Variants in DAPK2 observed in about 807,000 individuals in gnomAD.
The protein encoded by DAPK2 is death associated protein kinase 2.
A neutral mutation model predicts 44.1 loss-of-function variants in DAPK2; 35 were observed. The ratio of observed to expected loss-of-function variants is 0.79; its 90% confidence interval spans 0.61 to 1.05. DAPK2 has a LOEUF of 1.05. DAPK2 is among the 50% of genes least tolerant of loss of function. The pLI, the probability that DAPK2 is intolerant of heterozygous loss-of-function variation, is 0.00. For missense variants in DAPK2, 453 were observed against 483.2 expected, an observed-to-expected ratio of 0.94 and a Z score of 0.59; for synonymous variants, 174 against 182.6, an observed-to-expected ratio of 0.95 and a Z score of 0.38.
chr15:64,010,950 C>T (rs1282391284), intron 1 of DAPK2, among the ~76,000 whole-genome samples: 1 of 152,168 alleles, frequency 6.6e-6, no homozygotes, highest in African/African-American at 2.4e-5. Flanking sequence ...GCACCAGCAA[C>T]CCCATGTGGA....
chr15:63,944,959 G>C (rs2077410898), intron 3 of DAPK2, among the ~76,000 whole-genome samples: 2 of 152,118 alleles, frequency 1.3e-5, no homozygotes. Flanking sequence ...CTCTGGCTTG[G>C]AATGCCTGTC....
At chr15:63,960,273 C>T (rs905739087) in intron 3 of DAPK2, among the ~76,000 whole-genome samples, 6 of 152,194 alleles carry the variant, frequency 3.9e-5, no homozygotes, top group African/African-American at 9.6e-5. Context: ...AGCAGTCTAT[C>T]AATTTTGTTG....
rs372005682 is a variant in DAPK2, at chr15:63,944,329, GC to G, written c.454-4969del. The stretch of plus-strand genomic sequence containing the variant: ...CTGCCCTGATTGGGAGTAAACAGAG[GC>G]CATGGCTCCCTGCTATCCAGCCATG... On this transcript the variant is annotated intron_variant, in intron 3 of 10. Transcript: ENST00000261891. Among the ~76,000 whole-genome samples the G allele has an allele frequency of 9.3e-4, 141 of 152,214 alleles. 2 individuals carry two copies. The Middle Eastern group carries it at 0.01, about 11-fold the overall frequency.
intron 8 of DAPK2, chr15:63,918,266 T>G (rs971187851): frequency 7.2e-5 from 11 of 152,474 alleles, no homozygotes; most frequent in Admixed American, 2.6e-4. Flanking sequence ...TGGGGGAGAC[T>G]CCAGCTCTTT....
chr15:64,032,039 T>C (rs761852177), intron 1 of DAPK2, among the ~76,000 whole-genome samples: 5 of 152,182 alleles, frequency 3.3e-5, no homozygotes, highest in Non-Finnish European at 5.9e-5. Flanking sequence ...AGTTAACTTA[T>C]GAGTATCTGT....
chr15:64,001,916 CTT>C (rs2079095081), intron 1 of DAPK2, among the ~76,000 whole-genome samples: 2 of 152,232 alleles, frequency 1.3e-5, no homozygotes, highest in Non-Finnish European at 2.9e-5. Context: ...TTCTGACCCT[CTT>C]TGCTGAAAAT....
intron 3 of DAPK2, among the ~76,000 whole-genome samples, chr15:63,960,754 G>A (rs1192939873): frequency 2.0e-5 from 3 of 152,168 alleles, no homozygotes; most frequent in African/African-American, 7.2e-5. Context: ...GCTGAGGAGT[G>A]CTTTACTTCA....
At chr15:63,981,494 T>G (rs911586104) in intron 2 of DAPK2, among the ~76,000 whole-genome samples, 7 of 152,192 alleles carry the variant, frequency 4.6e-5, no homozygotes, top group African/African-American at 1.7e-4. Context: ...AAAGCCAATT[T>G]TTAGAATTAT....
chr15:63,950,174 A>C (rs1317328245), intron 3 of DAPK2, among the ~76,000 whole-genome samples: 1 of 152,252 alleles, frequency 6.6e-6, no homozygotes, highest in Non-Finnish European at 1.5e-5. Context: ...TTAATAAAAT[A>C]CAAATTAAAT....
intron 1 of DAPK2, among the ~76,000 whole-genome samples, chr15:64,001,327 C>T (rs1210469994): frequency 6.6e-6 from 1 of 152,172 alleles, no homozygotes; most frequent in African/African-American, 2.4e-5. Context: ...CATGCTTCCC[C>T]AAGCAGCTTG....
Position 63,927,100 on chromosome 15 carries a change from A to T in DAPK2, c.660-1007T>A, listed in dbSNP as rs74774104. Among the ~76,000 whole-genome samples, 729 of 152,294 alleles carry T rather than the reference A, an allele frequency of 4.8e-3. 5 individuals are homozygous for T. Among genetic ancestry groups the T allele is most frequent in the African/African-American group, 0.016 (677 of 41,564 alleles). On this transcript the variant is annotated intron_variant, in intron 6 of 10. Transcript: ENST00000261891. ...TTTCCTCATCTGCAAAATGAAGAAA[A>T]TAAAATTCCCACCTCATGTGATTGC...
chr15:63,964,377 C>T (rs2077993181), intron 3 of DAPK2, among the ~76,000 whole-genome samples: 1 of 152,044 alleles, frequency 6.6e-6, no homozygotes, highest in African/African-American at 2.4e-5. Context: ...CCTTTCTTTA[C>T]TCTTGACTTT....
At chr15:64,001,028 T>C (rs2079071683) in intron 1 of DAPK2, among the ~76,000 whole-genome samples, 1 of 151,972 alleles carries the variant, frequency 6.6e-6, no homozygotes, top group African/African-American at 2.4e-5. Context: ...TACAGGTACG[T>C]GCCACCACGC....
chr15:64,036,339 A>ATAC (rs2080207034), intron 1 of DAPK2, among the ~76,000 whole-genome samples: 1 of 112,202 alleles, frequency 8.9e-6, no homozygotes, highest in South Asian at 2.8e-4. Context: ...ATATATATAC[A>ATAC]TATATATATA....
chr15:63,965,593 G>A (rs920750358), intron 3 of DAPK2, among the ~76,000 whole-genome samples: 11 of 152,216 alleles, frequency 7.2e-5, no homozygotes, highest in Non-Finnish European at 1.0e-4. Context: ...GGGAGCCAGG[G>A]CCTGGAGTTG....
At chr15:64,019,888 A>C (rs1301633012) in intron 1 of DAPK2, among the ~76,000 whole-genome samples, 2 of 152,180 alleles carry the variant, frequency 1.3e-5, no homozygotes, top group Non-Finnish European at 2.9e-5. Context: ...AGGTTGGTGA[A>C]CTTCTATCCT....
At chr15:63,970,027 G>T (rs139348970) in intron 3 of DAPK2, among the ~76,000 whole-genome samples, 2 of 152,286 alleles carry the variant, frequency 1.3e-5, no homozygotes, top group East Asian at 3.9e-4. Flanking sequence ...CTCTGCAAAA[G>T]ATCTTGACTC....
intron 1 of DAPK2, among the ~76,000 whole-genome samples, chr15:64,012,055 C>G (rs1402582916): frequency 6.6e-6 from 1 of 152,220 alleles, no homozygotes; most frequent in Non-Finnish European, 1.5e-5. Flanking sequence ...ACCAGCCACT[C>G]TGATTTCCTC....
intron 5 of DAPK2, 66 bp from the exon 7 acceptor site, chr15:63,929,643 C>A: frequency 6.9e-6 from 11 of 1,600,174 alleles, no homozygotes; most frequent in Non-Finnish European, 9.4e-6. Context: ...AAGGGACACC[C>A]TCATGGATCT....
Sources: allele counts gnomAD v4.1 joint callset (sites outside exome capture counted in the v4.1 genomes callset), GRCh38; gene constraint gnomAD v4.1.1; transcripts MANE v1.5; gene names NCBI Gene and HGNC (gene_info 2026-07-23, HGNC 2026-07-21).